CTNNBL1: variants seen among roughly 807,000 people sequenced by gnomAD.
CTNNBL1 encodes the protein catenin beta like 1.
In CTNNBL1, 31 loss-of-function variants were observed where a neutral mutation model predicts 72.7. That is an observed-to-expected ratio of 0.43 (90% confidence interval 0.32 to 0.58). The LOEUF is 0.58. Among genes scored for constraint, CTNNBL1 ranks in the 20% least tolerant of loss-of-function variants. The pLI is 0.08. For missense variants in CTNNBL1, 534 were observed against 725.1 expected, an observed-to-expected ratio of 0.74 and a Z score of 3.03; for synonymous variants, 240 against 267.3, an observed-to-expected ratio of 0.90 and a Z score of 1.00.
chr20:37,765,906 C>A (rs942124513), intron 6 of CTNNBL1, among the ~76,000 whole-genome samples: 1 of 152,100 alleles, frequency 6.6e-6, no homozygotes, highest in African/African-American at 2.4e-5. Flanking sequence ...GTTGTTGAAC[C>A]GATATCCTAT....
At chr20:37,817,215 A>C (rs2072068046) in intron 11 of CTNNBL1, among the ~76,000 whole-genome samples, 3 of 152,230 alleles carry the variant, frequency 2.0e-5, no homozygotes, top group Admixed American at 2.0e-4. Context: ...CGGAGAACTA[A>C]GAAGTTACAT....
At chr20:37,768,198 G>A (rs181676372) in intron 7 of CTNNBL1, among the ~76,000 whole-genome samples, 154 bp downstream of exon 7, 3 of 152,210 alleles carry the variant, frequency 2.0e-5, no homozygotes, top group Admixed American at 1.3e-4. Context: ...GTTTTTGTTC[G>A]TTTTAAAACA....
At chr20:37,819,586 A>G (rs577271859) in intron 11 of CTNNBL1, among the ~76,000 whole-genome samples, 2 of 152,272 alleles carry the variant, frequency 1.3e-5, no homozygotes, top group East Asian at 3.9e-4. Context: ...ATGTTTTTAT[A>G]TGTTTCTCAA....
chr20:37,767,119 C>A (rs915080206), intron 6 of CTNNBL1, among the ~76,000 whole-genome samples: 22 of 152,132 alleles, frequency 1.4e-4, no homozygotes, highest in Non-Finnish European at 2.5e-4. Context: ...TCAAAATTCA[C>A]ACCCAATGTG....
At chr20:37,777,757 T>C in intron 9 of CTNNBL1, 45 bp downstream of exon 9, 1 of 1,573,468 alleles carries the variant, frequency 6.4e-7, no homozygotes, top group Non-Finnish European at 8.7e-7. Context: ...ATACATGGTC[T>C]GCTTTGAATG....
intron 1 of CTNNBL1, among the ~76,000 whole-genome samples, chr20:37,696,500 A>G (rs1362587281): frequency 7.1e-6 from 1 of 141,318 alleles, no homozygotes; most frequent in Non-Finnish European, 1.5e-5. Flanking sequence ...CTGGAGTGCA[A>G]TGGTGAGATC....
chr20:37,706,815 A>G (rs529851862), intron 1 of CTNNBL1, among the ~76,000 whole-genome samples: 1 of 152,328 alleles, frequency 6.6e-6, no homozygotes, highest in East Asian at 1.9e-4. Context: ...CATGGCAGCT[A>G]TAGACTTATG....
chr20:37,706,309 C>G lies in CTNNBL1; in HGVS notation c.30+12157C>G, dbSNP rs543568123. 1.8e-3 allele frequency among the ~76,000 whole-genome samples: 271 copies of G among 152,330 alleles called. 1 individual carries two copies. Among genetic ancestry groups the G allele is most frequent in the Admixed American group, 4.1e-3 (63 of 15,298 alleles). On this transcript the variant is annotated intron_variant, in intron 1 of 15. Transcript: ENST00000361383. Reference sequence around the variant, plus strand: ...AAAGATTTCTCTGTAGCAAGCTGTGCTGTTTCATAGCGTTTTACCCACAGT... The same window carrying G: ...AAAGATTTCTCTGTAGCAAGCTGTGGTGTTTCATAGCGTTTTACCCACAGT...
At chr20:37,794,212 T>G (rs1367941632) in intron 10 of CTNNBL1, among the ~76,000 whole-genome samples, 1 of 132,712 alleles carries the variant, frequency 7.5e-6, no homozygotes, top group Non-Finnish European at 1.7e-5. Flanking sequence ...CGGGGTCAGT[T>G]TCCTTCTGCC....
chr20:37,695,168 A>T (rs749546686), intron 1 of CTNNBL1: 11 of 152,184 alleles, frequency 7.2e-5, no homozygotes, highest in Non-Finnish European at 1.3e-4. Context: ...TATTTTGGAT[A>T]ATGGGTGAAA....
intron 10 of CTNNBL1, among the ~76,000 whole-genome samples, chr20:37,787,827 A>C (rs1049318571): frequency 6.6e-6 from 1 of 152,086 alleles, no homozygotes; most frequent in Non-Finnish European, 1.5e-5. Flanking sequence ...GGAGATTTGG[A>C]AAATACTATT....
chr20:37,712,600 G>C (rs1253110887), intron 1 of CTNNBL1, among the ~76,000 whole-genome samples: 1 of 152,192 alleles, frequency 6.6e-6, no homozygotes, highest in Non-Finnish European at 1.5e-5. Flanking sequence ...GATTGTGAAT[G>C]GCTACTTTTT....
intron 2 of CTNNBL1, among the ~76,000 whole-genome samples, chr20:37,736,102 A>G (rs546450606): frequency 6.6e-6 from 1 of 152,354 alleles, no homozygotes; most frequent in South Asian, 2.1e-4. Context: ...AAAATTCTGT[A>G]CAGTCTACTA....
chr20:37,703,655 C>T (rs2122545489), intron 1 of CTNNBL1, among the ~76,000 whole-genome samples: 1 of 152,312 alleles, frequency 6.6e-6, no homozygotes, highest in South Asian at 2.1e-4. Flanking sequence ...TCTCTGCTTC[C>T]TCCCCTGCCT....
At chr20:37,793,659 G>C (rs961844986) in intron 10 of CTNNBL1, among the ~76,000 whole-genome samples, 1 of 152,344 alleles carries the variant, frequency 6.6e-6, no homozygotes, top group Admixed American at 6.5e-5. Flanking sequence ...CCTTATAGGA[G>C]TGAACTTCTA....
chr20:37,843,101 A>G (rs1473355017), intron 13 of CTNNBL1, among the ~76,000 whole-genome samples: 1 of 152,070 alleles, frequency 6.6e-6, no homozygotes, highest in Admixed American at 6.5e-5. Flanking sequence ...GTAGCTTTCC[A>G]TCTGTATTCC....
At chr20:37,700,050 C>T (rs902485354) in intron 1 of CTNNBL1, among the ~76,000 whole-genome samples, 4 of 152,114 alleles carry the variant, frequency 2.6e-5, no homozygotes, top group Non-Finnish European at 4.4e-5. Flanking sequence ...TTATTTAGAC[C>T]GGGGCTCCAG....
At chr20:37,695,288 G>A (rs1220705045) in intron 1 of CTNNBL1, among the ~76,000 whole-genome samples, 4 of 152,168 alleles carry the variant, frequency 2.6e-5, no homozygotes, top group Non-Finnish European at 5.9e-5. Flanking sequence ...GCTCACAGTA[G>A]CCTTAAACTC....
chr20:37,800,069 A>G (rs2073811309), intron 10 of CTNNBL1, among the ~76,000 whole-genome samples: 2 of 152,216 alleles, frequency 1.3e-5, no homozygotes, highest in African/African-American at 2.4e-5. Context: ...TTAATAGTGC[A>G]GGGTTTTAAT....
Sources: gnomAD v4.1 joint callset for allele counts (sites outside exome capture counted in the v4.1 genomes callset) on GRCh38, gnomAD v4.1.1 for gene constraint, MANE v1.5 for transcripts, NCBI Gene and HGNC (gene_info 2026-07-23, HGNC 2026-07-21) for gene names.